The following PCDH9 variants were observed in gnomAD, a reference collection of about 807,000 sequenced individuals.
The protein encoded by PCDH9 is protocadherin 9.
A neutral mutation model predicts 70.6 loss-of-function variants in PCDH9; 24 were observed. The observed-to-expected ratio is 0.34, with a 90% CI of 0.25 to 0.48. PCDH9 has a LOEUF of 0.48. PCDH9 is among the 20% of genes least tolerant of loss of function. The pLI, the probability that PCDH9 is intolerant of heterozygous loss-of-function variation, is 0.99. For synonymous variants in PCDH9, 562 were observed against 558.5 expected, an observed-to-expected ratio of 1.01 and a Z score of -0.09; for missense variants, 1,281 against 1,503.6, an observed-to-expected ratio of 0.85 and a Z score of 2.45.
intron 4 of PCDH9, among the ~76,000 whole-genome samples, chr13:66,311,868 A>G (rs1425722729): frequency 6.6e-6 from 1 of 152,206 alleles, no homozygotes; most frequent in Non-Finnish European, 1.5e-5. Flanking sequence ...TTCAGATTTT[A>G]TATGAAATCA....
In PCDH9 at chr13:67,226,270, C is replaced by A; in HGVS notation, c.2171G>T (p.Gly724Val). The A allele has an allele frequency of 1.9e-6, 3 of 1,614,128 alleles. No homozygotes were observed. Among genetic ancestry groups the A allele is most frequent in the Admixed American group, 1.7e-5 (1 of 60,012 alleles). ...KYTIVSGNNK[G>V]LFRIDPVTGN... ...TGTTACTGGATCAATCCGGAATAAG[C>A]CTTTATTGTTTCCACTCACTATAGT... The change falls in exon 2 of 5, where the codon GGC becomes GTC. Residue 724 changes from glycine (G) to valine (V), a missense_variant. By Grantham distance (109) the Gly-to-Val change is moderately radical. Coordinates refer to ENST00000377865, the MANE Select transcript of PCDH9 (RefSeq NM_203487.3). The surrounding 1 kb of genome is among the most constrained non-coding windows in gnomAD (Gnocchi z 5.0).
chr13:66,469,967 T>C (rs192031364), intron 4 of PCDH9, among the ~76,000 whole-genome samples: 66 of 152,334 alleles, frequency 4.3e-4, no homozygotes, highest in African/African-American at 1.5e-3. Flanking sequence ...AATTACACTG[T>C]CTGCTTGTCT....
At chr13:66,871,869 T>C (rs2139510666) in intron 3 of PCDH9, among the ~76,000 whole-genome samples, 1 of 152,190 alleles carries the variant, frequency 6.6e-6, no homozygotes, top group East Asian at 1.9e-4. Context: ...GTCTGAAACA[T>C]ACTCCTCTAC....
chr13:66,710,265 T>A (rs2078774802), intron 3 of PCDH9, among the ~76,000 whole-genome samples: 1 of 152,188 alleles, frequency 6.6e-6, no homozygotes, highest in African/African-American at 2.4e-5. Context: ...CTATTAATTA[T>A]AACTATGGCG....
At chr13:66,380,471 T>C (rs1235385780) in intron 4 of PCDH9, among the ~76,000 whole-genome samples, 1 of 151,122 alleles carries the variant, frequency 6.6e-6, no homozygotes, top group Non-Finnish European at 1.5e-5. Flanking sequence ...TGAATTGACA[T>C]TGTAATGAGT....
chr13:66,689,962 A>G (rs572120505), intron 3 of PCDH9, among the ~76,000 whole-genome samples: 1 of 152,216 alleles, frequency 6.6e-6, no homozygotes, highest in Non-Finnish European at 1.5e-5. Context: ...CAATTAAAAG[A>G]AATCTATCCT....
In PCDH9 at chr13:66,380,536, C is replaced by CTT. The variant is rs59830525; in HGVS notation, c.3341-75510_3341-75509dup. ...AAAAAAATAGAGAATAGATCTTGTC[C>CTT]TTTTTTTTTTTTTTTTTTTTTTTTT... On this transcript the variant is annotated intron_variant, in intron 4 of 4. Transcript: ENST00000377865. 3.6e-3 allele frequency among the ~76,000 whole-genome samples: 191 copies of CTT among 53,366 alleles called. 4 individuals carry two copies. Among genetic ancestry groups the CTT allele is most frequent in the African/African-American group, 0.01 (164 of 15,810 alleles). 35.0% of individuals were successfully genotyped at this position (53,366 alleles called of 152,430 possible). A position where few individuals can be genotyped will look rare whatever the true frequency, so the allele number is the denominator to read the frequency against.
At chr13:66,665,890 G>A (rs919433689) in intron 3 of PCDH9, among the ~76,000 whole-genome samples, 5 of 151,760 alleles carry the variant, frequency 3.3e-5, no homozygotes, top group South Asian at 2.1e-4. Flanking sequence ...GGTAAGTAAC[G>A]AAATGATTTT....
At chr13:66,858,960 C>T (rs1026454841) in intron 3 of PCDH9, 2 of 152,140 alleles carry the variant, frequency 1.3e-5, no homozygotes, top group African/African-American at 4.8e-5. Flanking sequence ...TACAACATCA[C>T]TACATAGTTT....
intron 4 of PCDH9, among the ~76,000 whole-genome samples, chr13:66,537,456 A>T (rs926711743): frequency 2.0e-5 from 3 of 152,130 alleles, no homozygotes; most frequent in Admixed American, 1.3e-4. Context: ...GCCTACAGAG[A>T]AGATAACATC....
chr13:66,718,776 G>A (rs552058704), intron 3 of PCDH9, among the ~76,000 whole-genome samples: 1 of 152,320 alleles, frequency 6.6e-6, no homozygotes, highest in South Asian at 2.1e-4. Flanking sequence ...ACTTCCTATG[G>A]TGATGGAAGG....
intron 4 of PCDH9, among the ~76,000 whole-genome samples, chr13:66,601,637 T>C (rs2077166766): frequency 6.8e-6 from 1 of 146,378 alleles, no homozygotes; most frequent in Non-Finnish European, 1.5e-5. Context: ...ATATGTAGCA[T>C]GTTATATGTG....
At chr13:67,113,629 G>A (rs1348839911) in intron 2 of PCDH9, among the ~76,000 whole-genome samples, 1 of 151,658 alleles carries the variant, frequency 6.6e-6, no homozygotes, top group Non-Finnish European at 1.5e-5. Flanking sequence ...CTCACTGCAA[G>A]CTCCGCCTCC....
intron 4 of PCDH9, among the ~76,000 whole-genome samples, chr13:66,472,366 T>A (rs1958637076): frequency 7.6e-6 from 1 of 131,646 alleles, no homozygotes; most frequent in South Asian, 2.8e-4. Flanking sequence ...GCAGAGGAGT[T>A]TGAGACCAGC....
chr13:66,351,049 G>C (rs1956284052), intron 4 of PCDH9, among the ~76,000 whole-genome samples: 1 of 152,120 alleles, frequency 6.6e-6, no homozygotes, highest in South Asian at 2.1e-4. Flanking sequence ...TCAAAGGATA[G>C]AATTATGATA....
chr13:66,819,820 C>T (rs12876103), intron 3 of PCDH9, among the ~76,000 whole-genome samples: 50,941 of 152,016 alleles, frequency 0.34, 9,571 homozygotes, highest in Non-Finnish European at 0.43. Context: ...GACTTGAGCC[C>T]AGGAAGCCCA....
At chr13:66,787,367 G>A (rs2080095867) in intron 3 of PCDH9, among the ~76,000 whole-genome samples, 1 of 152,118 alleles carries the variant, frequency 6.6e-6, no homozygotes, top group East Asian at 1.9e-4. Flanking sequence ...TGTAATCACA[G>A]CACTTTGGGA....
At chr13:66,441,749 A>G (rs1268257635) in intron 4 of PCDH9, among the ~76,000 whole-genome samples, 5 of 152,008 alleles carry the variant, frequency 3.3e-5, no homozygotes, top group Non-Finnish European at 7.4e-5. Context: ...TTATTTTAAC[A>G]ATTTAGGGAA....
At chr13:66,644,702 A>C (rs1272278852) in intron 3 of PCDH9, among the ~76,000 whole-genome samples, 4 of 152,020 alleles carry the variant, frequency 2.6e-5, no homozygotes, top group African/African-American at 9.7e-5. Flanking sequence ...ATATTTCAAA[A>C]AAAAGTACTT....
Sources: gnomAD v4.1 joint callset for allele counts (sites outside exome capture counted in the v4.1 genomes callset) on GRCh38, gnomAD v4.1.1 for gene constraint, Gnocchi (gnomAD v3.1) non-coding constraint, MANE v1.5 for transcripts, NCBI Gene and HGNC (gene_info 2026-07-23, HGNC 2026-07-21) for gene names.